The following EXOC4 variants were observed in gnomAD, a reference collection of about 807,000 sequenced individuals.
EXOC4 encodes exocyst complex component 4.
In EXOC4, 71 loss-of-function variants were observed where a neutral mutation model predicts 107.2. The observed-to-expected ratio is 0.66, with a 90% CI of 0.55 to 0.81. EXOC4 has a LOEUF of 0.81. Ranked by LOEUF, EXOC4 falls within the 30% of genes least tolerant of loss-of-function variation. The pLI, the probability that EXOC4 is intolerant of heterozygous loss-of-function variation, is 0.00. For synonymous variants in EXOC4, 456 were observed against 441.2 expected (o/e 1.03, Z -0.42); for missense variants, 1,108 against 1,189.6 (o/e 0.93, Z 1.01).
At chr7:134,067,202 G>C (rs142661576), downstream of EXOC4, among the ~76,000 whole-genome samples, 6 of 150,470 alleles carry the variant, frequency 4.0e-5, no homozygotes, top group Non-Finnish European at 7.4e-5. Flanking sequence ...TTACCAGAAG[G>C]GGTGCTGGAA....
intron 17 of EXOC4, among the ~76,000 whole-genome samples, chr7:134,054,687 C>T (rs1391125648): frequency 2.0e-5 from 3 of 152,144 alleles, no homozygotes; most frequent in Admixed American, 1.3e-4. Context: ...TGTGTCCTAT[C>T]GAGGGTAGCC....
intron 7 of EXOC4, among the ~76,000 whole-genome samples, chr7:133,376,488 G>T (rs1001001265): frequency 6.6e-6 from 1 of 152,152 alleles, no homozygotes; most frequent in African/African-American, 2.4e-5. Context: ...GTTACCCTTT[G>T]CTGTAAGCAA....
chr7:133,665,119 A>G (rs1319348686), intron 10 of EXOC4, among the ~76,000 whole-genome samples: 1 of 152,032 alleles, frequency 6.6e-6, no homozygotes, highest in African/African-American at 2.4e-5. Context: ...TGAATTTTTT[A>G]GTTCCTTGTT....
At chr7:133,262,248 G>A (rs1429689099) in intron 1 of EXOC4, among the ~76,000 whole-genome samples, 1 of 152,178 alleles carries the variant, frequency 6.6e-6, no homozygotes, top group Non-Finnish European at 1.5e-5. Flanking sequence ...ATATGTGCCT[G>A]TAGTCCCAAC....
chr7:133,921,863 G>A (rs1050288875), intron 13 of EXOC4, among the ~76,000 whole-genome samples: 1 of 151,956 alleles, frequency 6.6e-6, no homozygotes, highest in Non-Finnish European at 1.5e-5. Context: ...TTCTTGGATT[G>A]TATGTTTTTT....
At chr7:134,030,756 G>A (rs921995217) in intron 17 of EXOC4, among the ~76,000 whole-genome samples, 1 of 146,686 alleles carries the variant, frequency 6.8e-6, no homozygotes, top group Non-Finnish European at 1.5e-5. Context: ...TCTGGAGAGA[G>A]TAAACAAATT....
chr7:133,412,027 C>T (rs937939656), intron 7 of EXOC4, among the ~76,000 whole-genome samples: 10 of 152,048 alleles, frequency 6.6e-5, no homozygotes, highest in Non-Finnish European at 1.3e-4. Context: ...TTGTTTCTCT[C>T]TAATAATGCA....
chr7:133,745,451 T>G (rs981809248), intron 10 of EXOC4, among the ~76,000 whole-genome samples: 1 of 152,134 alleles, frequency 6.6e-6, no homozygotes, highest in African/African-American at 2.4e-5. Context: ...ATTAAATGAC[T>G]AACATATAGG....
intron 7 of EXOC4, among the ~76,000 whole-genome samples, chr7:133,447,908 GC>G (rs1336170452): frequency 1.3e-5 from 2 of 152,098 alleles, no homozygotes; most frequent in Non-Finnish European, 2.9e-5. Flanking sequence ...AAGTTCCTAA[GC>G]AAAAAATGTC....
chr7:133,584,702 C>T (rs1048429737), intron 9 of EXOC4, among the ~76,000 whole-genome samples: 2 of 151,066 alleles, frequency 1.3e-5, no homozygotes, highest in African/African-American at 4.9e-5. Context: ...CCTCAGCCTC[C>T]AGAGTGGCTG....
chr7:133,898,170 A>G (rs1272489150), intron 12 of EXOC4, among the ~76,000 whole-genome samples: 3 of 152,160 alleles, frequency 2.0e-5, no homozygotes, highest in Non-Finnish European at 2.9e-5. Context: ...TAACAGTGTC[A>G]GTCTTTAGGG....
chr7:133,346,792 C>T (rs1041930108), intron 5 of EXOC4, among the ~76,000 whole-genome samples: 3 of 152,084 alleles, frequency 2.0e-5, no homozygotes, highest in Admixed American at 2.0e-4. Context: ...AAATCATATA[C>T]GTGATTTTTG....
At chr7:133,734,881 T>C (rs1465507769) in intron 10 of EXOC4, among the ~76,000 whole-genome samples, 1 of 151,666 alleles carries the variant, frequency 6.6e-6, no homozygotes, top group Non-Finnish European at 1.5e-5. Flanking sequence ...TATTAGAGAT[T>C]TAACAAGTCA....
chr7:133,704,675 G>A (rs979148785), intron 10 of EXOC4, among the ~76,000 whole-genome samples: 15 of 152,160 alleles, frequency 9.9e-5, no homozygotes, highest in Non-Finnish European at 5.9e-5. Flanking sequence ...GGAGGGATCC[G>A]GGTGTGTGTG....
At chr7:134,000,884 G>A (rs1794516710) in intron 15 of EXOC4, among the ~76,000 whole-genome samples, 1 of 152,194 alleles carries the variant, frequency 6.6e-6, no homozygotes, top group African/African-American at 2.4e-5. Flanking sequence ...AACAACTTCA[G>A]ATGCCAAAAA....
intron 11 of EXOC4, among the ~76,000 whole-genome samples, chr7:133,825,560 AC>A (rs1797682315): frequency 6.6e-6 from 1 of 152,016 alleles, no homozygotes; most frequent in Non-Finnish European, 1.5e-5. Flanking sequence ...TGCTGCCCAA[AC>A]CTATTATCTC....
chr7:133,677,793 T>C (rs1015089125), intron 10 of EXOC4, among the ~76,000 whole-genome samples: 1 of 7,054 alleles, frequency 1.4e-4, no homozygotes, highest in Non-Finnish European at 5.1e-4. Flanking sequence ...AAGGCATCAC[T>C]TTGAGGGCTT....
At chr7:133,445,617 T>TACAAACAAACAAACAAACAA (rs10638999) in intron 7 of EXOC4, among the ~76,000 whole-genome samples, 26 of 150,468 alleles carry the variant, frequency 1.7e-4, no homozygotes, top group Admixed American at 1.5e-3. Flanking sequence ...GGACAGTTAC[T>TACAAACAAACAAACAAACAA]ACAAACAAAC....
intron 7 of EXOC4, among the ~76,000 whole-genome samples, chr7:133,406,392 C>T (rs1302474347): frequency 6.6e-6 from 1 of 152,046 alleles, no homozygotes; most frequent in Admixed American, 6.5e-5. Context: ...AATTTTTGAG[C>T]GTTGGGGATG....
Sources: gnomAD v4.1 joint callset for allele counts (sites outside exome capture counted in the v4.1 genomes callset) on GRCh38, gnomAD v4.1.1 for gene constraint, MANE v1.5 for transcripts, NCBI Gene and HGNC (gene_info 2026-07-23, HGNC 2026-07-21) for gene names.